Variants in NBEAL2 observed in about 807,000 individuals in gnomAD.
NBEAL2 encodes neurobeachin like 2.
In NBEAL2, 160 loss-of-function variants were observed where a neutral mutation model predicts 299.8. The observed-to-expected ratio is 0.53, with a 90% CI of 0.47 to 0.61. The LOEUF is 0.61. NBEAL2 is among the 20% of genes least tolerant of loss of function. The pLI is 0.00. For missense variants in NBEAL2, 3,112 were observed against 3,649.0 expected (o/e 0.85, Z 3.79); for synonymous variants, 1,493 against 1,542.3 (o/e 0.97, Z 0.75).
At position 46,989,926 on chromosome 3, in the gene NBEAL2, C is replaced by T. The variant is rs1245871256; in HGVS notation, c.556+333C>T. On this transcript the variant is annotated intron_variant, in intron 6 of 53. Coordinates refer to ENST00000450053, the MANE Select transcript of NBEAL2 (RefSeq NM_015175.3). This position sits in a 1 kb window ranked among gnomAD's most constrained non-coding sequence, Gnocchi z 5.5. ...AATCCCTTTGTCCCCATAGCCTCCA[C>T]GCATCTCCACCCATCCCGGAGACAC... Among the ~76,000 whole-genome samples, 2 of 152,114 alleles carry T rather than the reference C, an allele frequency of 1.3e-5. No individual in the cohort carries two copies. The highest frequency in any genetic ancestry group is 2.9e-5 in the Non-Finnish European group (2 of 68,010).
Position 47,003,184 on chromosome 3 carries a change from C to T in NBEAL2, c.5595C>T (p.Pro1865=). 6.2e-7 allele frequency: 1 copy of T among 1,608,838 alleles called. No individual in the cohort carries two copies. Among genetic ancestry groups the T allele is most frequent in the Non-Finnish European group, 8.5e-7 (1 of 1,176,780 alleles). ...CTTGGCCCCTTGCAGGTGAGGTTCC[C>T]CTGACACCCACCGAGGAGGCCTCAC... is the stretch of plus-strand genomic sequence containing the variant. ...SALRDNLGEV[P]LTPTEEASLP... The change falls in exon 35 of 54, where the codon CCC becomes CCT. Residue 1865 remains proline (P), a synonymous_variant. Transcript: ENST00000450053. This position sits in a 1 kb window ranked among gnomAD's most constrained non-coding sequence, Gnocchi z 7.0.
In NBEAL2 at chr3:47,004,612, C is replaced by T. The variant is rs756041598; in HGVS notation, c.6294+22C>T. On this transcript the variant is annotated intron_variant, in intron 38 of 53. Coordinates refer to ENST00000450053, the MANE Select transcript of NBEAL2 (RefSeq NM_015175.3). The surrounding 1 kb of genome is among the most constrained non-coding windows in gnomAD (Gnocchi z 5.0). ...TGTGGTGAGGGTCCCACTCTGCACC[C>T]CTCCACCCCTGCCCCTCTGACCTGT... The T allele has an allele frequency of 6.2e-7, 1 of 1,602,238 alleles. No individual in the cohort carries two copies. The highest frequency in any genetic ancestry group is 8.5e-7 in the Non-Finnish European group (1 of 1,169,692).
Position 46,989,436 on chromosome 3 carries a change from G to T in NBEAL2, c.473+55G>T. On this transcript the variant is annotated intron_variant, in intron 5 of 53. Transcript: ENST00000450053. The surrounding 1 kb of genome is among the most constrained non-coding windows in gnomAD (Gnocchi z 5.5). ...AGAGGAGGGTGGGGAGAGGATGGCCGCGCTGGGCCCAAGGAGGGGTGACGG... is the reference window on the plus strand; with the variant it reads ...AGAGGAGGGTGGGGAGAGGATGGCCTCGCTGGGCCCAAGGAGGGGTGACGG... The T allele has an allele frequency of 6.4e-7, 1 of 1,564,066 alleles. No homozygotes were observed.
rs1385212071 is a variant in NBEAL2, at chr3:46,988,350, CCTGG to C, written c.52-315_52-312del. Among the ~76,000 whole-genome samples, 5 of 152,170 alleles carry C rather than the reference CCTGG, an allele frequency of 3.3e-5. No homozygotes were observed. Among genetic ancestry groups the C allele is most frequent in the Non-Finnish European group, 7.4e-5 (5 of 68,016 alleles). On this transcript the variant is annotated intron_variant, in intron 1 of 53. Transcript: ENST00000450053. This position sits in a 1 kb window ranked among gnomAD's most constrained non-coding sequence, Gnocchi z 4.4. ...AGCCACACCCCACTTACGCCCCTCC[CCTGG>C]CTGTGTCAGACCTGCCTAGGACTGC...
In NBEAL2 at chr3:46,998,053, CTG is replaced by C. The variant is rs1230997893; in HGVS notation, c.2959-12_2959-11del. On this transcript the variant is annotated splice_polypyrimidine_tract_variant and intron_variant, in intron 20 of 53. Transcript: ENST00000450053. ...AGAGCCTGAGCCCTCACTCCAGCTC[CTG>C]TCTTATCCCAGGTCCCAAGCTGGGC... The C allele has an allele frequency of 1.3e-6, 2 of 1,556,268 alleles. No individual in the cohort carries two copies. Among genetic ancestry groups the C allele is most frequent in the African/African-American group, 2.7e-5 (2 of 73,314 alleles).
chr3:47,007,222 T>G lies in NBEAL2; in HGVS notation c.7225-19T>G. 1 of 1,609,812 alleles carries G rather than the reference T, an allele frequency of 6.2e-7. No individual in the cohort carries two copies. The highest frequency in any genetic ancestry group is 1.1e-5 in the South Asian group (1 of 90,380). On this transcript the variant is annotated intron_variant, in intron 46 of 53. Coordinates refer to ENST00000450053, the MANE Select transcript of NBEAL2 (RefSeq NM_015175.3). Reference sequence around the variant, plus strand: ...CTTGCCTCTGCCAGAAACCCACCTCTGCCCCCTCCTGCCTGCAGGTGACTG... The same window carrying G: ...CTTGCCTCTGCCAGAAACCCACCTCGGCCCCCTCCTGCCTGCAGGTGACTG...
Position 46,994,568 on chromosome 3 carries a change from T to C in NBEAL2, c.1296+15T>C. ...TGCTCAACATGGTGAGGGAAGGGGC[T>C]TGGGACCAGGGTCCCAAAGGCAACC... On this transcript the variant is annotated intron_variant, in intron 12 of 53. Transcript: ENST00000450053. 1 of 1,562,180 alleles carries C rather than the reference T, an allele frequency of 6.4e-7. No individual in the cohort carries two copies. The highest frequency in any genetic ancestry group is 8.7e-7 in the Non-Finnish European group (1 of 1,151,586).
chr3:47,000,202 G>A lies in NBEAL2; in HGVS notation c.4103G>A (p.Gly1368Asp), dbSNP rs778229299. The change falls in exon 27 of 54, where the codon GGC becomes GAC. Residue 1368 changes from glycine to aspartate, a missense_variant. Around this residue, in one of 3 missense-constraint regions of NBEAL2, gnomAD observed 2,243 missense variants for 2,538.1 expected, o/e 0.88. Coordinates refer to ENST00000450053, the MANE Select transcript of NBEAL2 (RefSeq NM_015175.3). The surrounding 1 kb of genome is among the most constrained non-coding windows in gnomAD (Gnocchi z 4.5). The stretch of plus-strand genomic sequence containing the variant: ...CTGGAACGGTCTAGTGTAGGATCAG[G>A]CAACACTGCTGGTGGTGGCGGCAGC... Reference protein sequence around the residue: ...LGLERSSVGSGNTAGGGGSSG... With the variant: ...LGLERSSVGSDNTAGGGGSSG... 16 of 1,613,632 alleles carry A rather than the reference G, an allele frequency of 9.9e-6. No homozygotes were observed. In the Admixed American group the frequency reaches 1.8e-4, roughly 18 times the overall value.
chr3:46,993,412 G>T (rs1314494548), intron 10 of NBEAL2, among the ~76,000 whole-genome samples: 1 of 152,206 alleles, frequency 6.6e-6, no homozygotes, highest in African/African-American at 2.4e-5. Flanking sequence ...CTGGCTGTCA[G>T]GTTCAGCCAG....
In NBEAL2 at chr3:47,009,347, C is replaced by T; in HGVS notation, c.*27C>T. 1.9e-6 allele frequency: 3 copies of T among 1,558,854 alleles called. No homozygotes were observed. The South Asian group carries it at 3.5e-5, about 18-fold the overall frequency. Reference sequence around the variant, plus strand: ...CCTGGCCAGTCCGGCTGCTCGGGCCCCGCCCCCGGCAGGCCTGGCCCGGGA... The same window carrying T: ...CCTGGCCAGTCCGGCTGCTCGGGCCTCGCCCCCGGCAGGCCTGGCCCGGGA... On this transcript the variant is annotated 3_prime_UTR_variant, in exon 54 of 54. Transcript: ENST00000450053.
At position 47,004,674 on chromosome 3, in the gene NBEAL2, T is replaced by C. The variant is rs998987827; in HGVS notation, c.6294+84T>C. The C allele has an allele frequency of 1.2e-5, 16 of 1,390,784 alleles. No homozygotes were observed. The highest frequency in any genetic ancestry group is 1.5e-5 in the Non-Finnish European group (15 of 981,782). 86.2% of individuals were successfully genotyped at this position (1,390,784 alleles called of 1,614,324 possible). A position where few individuals can be genotyped will look rare whatever the true frequency, so the allele number is the denominator to read the frequency against. On this transcript the variant is annotated intron_variant, in intron 38 of 53. Coordinates refer to ENST00000450053, the MANE Select transcript of NBEAL2 (RefSeq NM_015175.3). The surrounding 1 kb of genome is among the most constrained non-coding windows in gnomAD (Gnocchi z 5.0). ...TCCCCCAAGTGTAGGTACCTGCCAG[T>C]GGGCCAAGCTCTGAGCTTGGTCAAG...
intron 1 of NBEAL2, chr3:46,987,933 A>C: frequency 1.7e-6 from 2 of 1,202,886 alleles, no homozygotes; most frequent in South Asian, 1.4e-5. Flanking sequence ...CCCCTCCCCC[A>C]CCGTGACTCT....
chr3:46,992,343 G>A (rs1187844014), intron 9 of NBEAL2, 132 bp from the exon 10 acceptor site: 11 of 842,470 alleles, frequency 1.3e-5, no homozygotes, highest in South Asian at 1.1e-4. Flanking sequence ...AGGGGGCTCA[G>A]CACCCTACTC....
chr3:46,991,211 C>G lies in NBEAL2; in HGVS notation c.557-8C>G. The G allele has an allele frequency of 6.2e-7, 1 of 1,600,668 alleles. No individual in the cohort carries two copies. Among genetic ancestry groups the G allele is most frequent in the Non-Finnish European group, 8.5e-7 (1 of 1,173,016 alleles). ...GTGACATTACCCTGCCCACACCCCC[C>G]TACCCAGAGAGCCTACAGAATGCAG... On this transcript the variant is annotated splice_polypyrimidine_tract_variant and splice_region_variant and intron_variant, in intron 6 of 53. Coordinates refer to ENST00000450053, the MANE Select transcript of NBEAL2 (RefSeq NM_015175.3). The surrounding 1 kb of genome is among the most constrained non-coding windows in gnomAD (Gnocchi z 6.2).
chr3:46,999,318 C>T lies in NBEAL2; in HGVS notation c.3547C>T (p.Leu1183=), dbSNP rs202060414. 1 of 1,608,184 alleles carries T rather than the reference C, an allele frequency of 6.2e-7. No individual in the cohort carries two copies. Among genetic ancestry groups the T allele is most frequent in the Non-Finnish European group, 8.5e-7 (1 of 1,177,206 alleles). ...TCCTCCGATGACCCCCACACAGATC[C>T]TGCGCAGACTGCAGCAGAATGAGCG... ...PLLPDRVCKI[L]RRLQQNERLP... The change falls in exon 25 of 54, where the codon CTG becomes TTG. Residue 1183 remains leucine, a synonymous_variant. Coordinates refer to ENST00000450053, the MANE Select transcript of NBEAL2 (RefSeq NM_015175.3).
rs1054994315 is a variant in NBEAL2 at position 47,009,695 on chromosome 3, T to G, written c.*375T>G. On this transcript the variant is annotated 3_prime_UTR_variant, in exon 54 of 54. Transcript: ENST00000450053. ...CTTCTCGGCAATAAACCAGGCCTAG[T>G]TTTGTAGCTGCTCCGTCTCCGAGTG... The G allele has an allele frequency of 1.5e-4, 39 of 257,930 alleles. 1 individual carries two copies. The South Asian group carries it at 1.7e-3, about 11-fold the overall frequency. 16.0% of individuals were successfully genotyped at this position (257,930 alleles called of 1,614,324 possible). A position where few individuals can be genotyped will look rare whatever the true frequency, so the allele number is the denominator to read the frequency against.
rs768449631 is a variant in NBEAL2 at position 46,999,870 on chromosome 3, G to A, written c.3790-19G>A. ...CAGGCAGTTGGATGCGTCCTCACTT[G>A]CTGTGCTCTCGCCTGCAGCTTTTCC... On this transcript the variant is annotated intron_variant, in intron 26 of 53. Coordinates refer to ENST00000450053, the MANE Select transcript of NBEAL2 (RefSeq NM_015175.3). 5 of 1,600,916 alleles carry A rather than the reference G, an allele frequency of 3.1e-6. No homozygotes were observed. The African/African-American group carries it at 4.0e-5, about 13-fold the overall frequency.
chr3:47,007,721 G>C, intron 48 of NBEAL2, 24 bp downstream of exon 48: 1 of 1,609,198 alleles, frequency 6.2e-7, no homozygotes, highest in South Asian at 1.1e-5. Flanking sequence ...TGGAGCTGGG[G>C]AGAATGAGGC....
chr3:47,008,768 C>T, intron 52 of NBEAL2, 100 bp downstream of exon 52: 1 of 1,542,378 alleles, frequency 6.5e-7, no homozygotes, highest in Non-Finnish European at 8.7e-7. Flanking sequence ...TTTGTGGGCA[C>T]ATATTTCAAG....
Sources: gnomAD v4.1 joint callset for allele counts (sites outside exome capture counted in the v4.1 genomes callset) on GRCh38, gnomAD v4.1.1 for gene constraint, gnomAD v4.1.1 regional missense constraint, Gnocchi (gnomAD v3.1) non-coding constraint, MANE v1.5 for transcripts, NCBI Gene and HGNC (gene_info 2026-07-23, HGNC 2026-07-21) for gene names.